The following SS18 variants were observed in gnomAD, a reference collection of about 807,000 sequenced individuals.
The protein encoded by SS18 is SS18 subunit of BAF chromatin remodeling complex, also known as protein SSXT.
A neutral mutation model predicts 72.5 loss-of-function variants in SS18; 28 were observed. The ratio of observed to expected loss-of-function variants is 0.39; its 90% CI spans 0.29 to 0.53. The LOEUF (loss-of-function observed/expected upper bound fraction) is 0.53, where lower values mean the gene tolerates loss of function less well. SS18 is among the 20% of genes least tolerant of loss of function. SS18 has a pLI of 0.76. For synonymous variants in SS18, 172 were observed against 164.2 expected (o/e 1.05, Z -0.37); for missense variants, 518 against 535.3 (o/e 0.97, Z 0.32).
chr18:26,079,265 C>T (rs1286750934), intron 2 of SS18: 1 of 152,132 alleles, frequency 6.6e-6, no homozygotes, highest in Non-Finnish European at 1.5e-5. Flanking sequence ...GTAATCTTAC[C>T]TATGAATTAG....
chr18:26,084,586 T>C (rs1209511087), intron 2 of SS18, among the ~76,000 whole-genome samples: 1 of 152,104 alleles, frequency 6.6e-6, no homozygotes, highest in Non-Finnish European at 1.5e-5. Context: ...TCACCAATAT[T>C]GGGACAAACT....
At chr18:26,069,232 C>T (rs1450477570) in intron 3 of SS18, among the ~76,000 whole-genome samples, 2 of 151,994 alleles carry the variant, frequency 1.3e-5, no homozygotes, top group Non-Finnish European at 2.9e-5. Flanking sequence ...ATGTTGGACA[C>T]CATGAACTGT....
At chr18:26,040,867 G>C (rs1459619726) in intron 5 of SS18, among the ~76,000 whole-genome samples, 1 of 152,120 alleles carries the variant, frequency 6.6e-6, no homozygotes, top group Non-Finnish European at 1.5e-5. Flanking sequence ...CAAACTGGCT[G>C]GGTGAGAGTA....
At chr18:26,032,363 C>T in intron 10 of SS18, 36 bp downstream of exon 10, 1 of 1,605,064 alleles carries the variant, frequency 6.2e-7, no homozygotes, top group East Asian at 2.2e-5. Context: ...AGTGAAGAAA[C>T]AATGTGGCAA....
At chr18:26,084,851 A>G (rs192148658) in intron 2 of SS18, among the ~76,000 whole-genome samples, 31 of 152,324 alleles carry the variant, frequency 2.0e-4, no homozygotes, top group Admixed American at 1.4e-3. Flanking sequence ...TGGACCCTGG[A>G]CCAGAAAATA....
intron 3 of SS18, among the ~76,000 whole-genome samples, chr18:26,065,985 A>T (rs750578438): frequency 6.6e-6 from 1 of 151,850 alleles, no homozygotes; most frequent in Non-Finnish European, 1.5e-5. Context: ...ATCTATCTAT[A>T]TACTTAAAAT....
intron 2 of SS18, chr18:26,086,106 T>C (rs1221735965): frequency 6.6e-6 from 1 of 152,164 alleles, no homozygotes; most frequent in Non-Finnish European, 1.5e-5. Flanking sequence ...CCCTAAACAA[T>C]ATAGTATAAC....
At chr18:26,042,636 C>CAA (rs34743017) in intron 5 of SS18, among the ~76,000 whole-genome samples, 8,922 of 93,632 alleles carry the variant, frequency 0.095, 808 homozygotes, top group African/African-American at 0.26. Context: ...AGTCAGTGGT[C>CAA]AAAAAAAAAA....
intron 3 of SS18, among the ~76,000 whole-genome samples, chr18:26,060,151 C>T (rs2054093449): frequency 6.6e-6 from 1 of 152,174 alleles, no homozygotes; most frequent in Admixed American, 6.5e-5. Context: ...ACTCAAATGT[C>T]CACCTACTGA....
At chr18:26,055,349 C>T (rs1302042921) in intron 4 of SS18, among the ~76,000 whole-genome samples, 1 of 151,812 alleles carries the variant, frequency 6.6e-6, no homozygotes, top group East Asian at 2.0e-4. Context: ...CGCCTGTAAT[C>T]CCAGCTACTC....
chr18:26,035,387 C>A lies in SS18; in HGVS notation c.974-260G>T. Reference sequence around the variant, plus strand: ...ACGAGCATTACATTTACTGGAACATCACAGTCATAAGATCATGACTATGCT... The same window carrying A: ...ACGAGCATTACATTTACTGGAACATAACAGTCATAAGATCATGACTATGCT... On this transcript the variant is annotated intron_variant, in intron 8 of 10. Transcript: ENST00000415083. This position sits in a 1 kb window ranked among gnomAD's most constrained non-coding sequence, Gnocchi z 4.4. The A allele has an allele frequency of 2.3e-6, 1 of 429,580 alleles. No individual in the cohort carries two copies. The highest frequency in any genetic ancestry group is 4.3e-6 in the Non-Finnish European group (1 of 233,314). 26.6% of individuals were successfully genotyped at this position (429,580 alleles called of 1,614,324 possible). A position where few individuals can be genotyped will look rare whatever the true frequency, so the allele number is the denominator to read the frequency against.
intron 2 of SS18, among the ~76,000 whole-genome samples, chr18:26,080,034 C>T (rs1035187776): frequency 3.9e-5 from 6 of 151,948 alleles, no homozygotes; most frequent in South Asian, 2.1e-4. Context: ...TAATGCTTTG[C>T]GTCACATGGA....
At position 26,017,077 on chromosome 18, in the gene SS18, A is replaced by C. The variant is rs1394238830; in HGVS notation, c.*1277T>G. ...CAATGCATGCTTTCCTGCCCCACGC[A>C]ATCTCCCTGAATTTAGCTAAAATAA... On this transcript the variant is annotated 3_prime_UTR_variant, in exon 11 of 11. Transcript: ENST00000415083. 2 of 220,592 alleles carry C rather than the reference A, an allele frequency of 9.1e-6. No individual in the cohort carries two copies. The highest frequency in any genetic ancestry group is 2.2e-5 in the African/African-American group (1 of 44,624). 13.7% of individuals were successfully genotyped at this position (220,592 alleles called of 1,614,324 possible). A position where few individuals can be genotyped will look rare whatever the true frequency, so the allele number is the denominator to read the frequency against.
chr18:26,052,473 C>T, intron 5 of SS18, 151 bp downstream of exon 5: 1 of 637,018 alleles, frequency 1.6e-6, no homozygotes, highest in Non-Finnish European at 2.7e-6. Context: ...TTTAAACTAG[C>T]TTCAAACTCA....
chr18:26,018,435 A>C, intron 10 of SS18, 55 bp from the exon 11 acceptor site: 2 of 1,326,532 alleles, frequency 1.5e-6, no homozygotes, highest in South Asian at 1.3e-5. Context: ...TAACAGGCAA[A>C]GAAGATTACA....
chr18:26,044,374 G>C (rs887773014), intron 5 of SS18, among the ~76,000 whole-genome samples: 4 of 148,686 alleles, frequency 2.7e-5, no homozygotes, highest in Middle Eastern at 3.4e-3. Flanking sequence ...ACCCAGGCTG[G>C]AGTGCATGGT....
Position 26,077,288 on chromosome 18 carries a change from A to G in SS18, c.231+788T>C, listed in dbSNP as rs148763099. 7.6e-3 allele frequency among the ~76,000 whole-genome samples: 1,155 copies of G among 152,148 alleles called. 8 individuals carry two copies. The highest frequency in any genetic ancestry group is 0.011 in the Non-Finnish European group (713 of 67,884). On this transcript the variant is annotated intron_variant, in intron 3 of 10. Coordinates refer to ENST00000415083, the MANE Select transcript of SS18 (RefSeq NM_001007559.3). The stretch of plus-strand genomic sequence containing the variant: ...GGGAAATACAAAGCACCGCCAACAA[A>G]ATACTCTTACCAAAAATCTAAACCT...
At chr18:26,050,738 T>C (rs1373109183) in intron 5 of SS18, among the ~76,000 whole-genome samples, 2 of 151,876 alleles carry the variant, frequency 1.3e-5, no homozygotes, top group Admixed American at 1.3e-4. Flanking sequence ...ACCCTGTCTC[T>C]ACTAAAAATA....
intron 2 of SS18, among the ~76,000 whole-genome samples, chr18:26,081,834 G>A (rs545810227): frequency 2.6e-5 from 4 of 152,168 alleles, no homozygotes; most frequent in Non-Finnish European, 2.9e-5. Flanking sequence ...GAGGCAGGAG[G>A]ATCGCTTAAG....
Sources: gnomAD v4.1 joint callset for allele counts (sites outside exome capture counted in the v4.1 genomes callset) on GRCh38, gnomAD v4.1.1 for gene constraint, Gnocchi (gnomAD v3.1) non-coding constraint, MANE v1.5 for transcripts, NCBI Gene and HGNC (gene_info 2026-07-23, HGNC 2026-07-21) for gene names.